The following PCNX2 variants were observed in gnomAD, a reference collection of about 807,000 sequenced individuals.
PCNX2 encodes pecanex-like protein 2.
PCNX2 carries 168 observed loss-of-function variants against 223.8 expected under a neutral mutation model. That is an observed-to-expected ratio of 0.75 (90% CI 0.66 to 0.85). The LOEUF (loss-of-function observed/expected upper bound fraction) is 0.85, where lower values mean the gene tolerates loss of function less well. Among genes scored for constraint, PCNX2 ranks in the 40% least tolerant of loss-of-function variants. PCNX2 has a pLI of 0.00. For missense variants in PCNX2, 2,507 were observed against 2,675.5 expected (o/e 0.94, Z 1.39); for synonymous variants, 1,006 against 1,052.6 (o/e 0.96, Z 0.86).
At chr1:233,071,242 G>T (rs144474478) in intron 23 of PCNX2, among the ~76,000 whole-genome samples, 1 of 152,050 alleles carries the variant, frequency 6.6e-6, no homozygotes, top group East Asian at 1.9e-4. Context: ...AGGGCTTGTT[G>T]TATAGATTAT....
rs570840283 is a variant in PCNX2, at chr1:233,236,846, C to A, written c.2357G>T (p.Arg786Leu). The A allele has an allele frequency of 6.2e-6, 10 of 1,613,580 alleles. No individual in the cohort carries two copies. The East Asian group carries it at 6.7e-5, about 11-fold the overall frequency. ...VARRTQSETP[R>L]HVSQDLEASS... ...ACAGCAATTCTGGAATGTACGTACCCGTGGGGTTTCCGACTGGGTCCTGCG... is the reference window on the plus strand; with the variant it reads ...ACAGCAATTCTGGAATGTACGTACCAGTGGGGTTTCCGACTGGGTCCTGCG... Residue 786 changes from arginine to leucine, a missense_variant and splice_region_variant, in exon 9 of 34, where the codon CGG (arginine) becomes CTG (leucine). Coordinates refer to ENST00000258229, the MANE Select transcript of PCNX2 (RefSeq NM_014801.4).
At chr1:233,122,655 C>T (rs558010149) in intron 21 of PCNX2, among the ~76,000 whole-genome samples, 1 of 152,102 alleles carries the variant, frequency 6.6e-6, no homozygotes, top group African/African-American at 2.4e-5. Context: ...TCCCAAGTAG[C>T]TGGGATTACA....
intron 21 of PCNX2, among the ~76,000 whole-genome samples, chr1:233,102,163 T>A (rs1674522022): frequency 6.6e-6 from 1 of 151,914 alleles, no homozygotes; most frequent in African/African-American, 2.4e-5. Flanking sequence ...TTATCTCACT[T>A]AACATAATGT....
At chr1:232,995,748 A>G (rs1211225981) in intron 32 of PCNX2, among the ~76,000 whole-genome samples, 1 of 152,208 alleles carries the variant, frequency 6.6e-6, no homozygotes. Context: ...TTGCTCCTGT[A>G]AATGCAAGGA....
intron 19 of PCNX2, among the ~76,000 whole-genome samples, chr1:233,159,507 CA>C (rs1678337217): frequency 6.6e-6 from 1 of 152,130 alleles, no homozygotes; most frequent in Non-Finnish European, 1.5e-5. Context: ...ATAGGCTAAA[CA>C]GCTCTGTGCA....
intron 8 of PCNX2, among the ~76,000 whole-genome samples, chr1:233,248,074 G>A (rs966762585): frequency 5.3e-5 from 8 of 152,082 alleles, no homozygotes; most frequent in African/African-American, 1.9e-4. Flanking sequence ...AAAAGCTAGG[G>A]GTGACTAGGG....
the PCNX2 span, among the ~76,000 whole-genome samples, chr1:233,320,715 T>C: frequency 6.6e-6 from 1 of 152,222 alleles, no homozygotes; most frequent in South Asian, 2.1e-4. Context: ...ACTTTGGAGA[T>C]ACCAAAATGA....
At chr1:233,062,420 T>C (rs995933027) in intron 23 of PCNX2, among the ~76,000 whole-genome samples, 2 of 152,192 alleles carry the variant, frequency 1.3e-5, no homozygotes, top group Admixed American at 1.3e-4. Flanking sequence ...CTACTGTGTT[T>C]CTATTTTTTA....
At chr1:233,255,638 G>A (rs919216008) in intron 5 of PCNX2, among the ~76,000 whole-genome samples, 4 of 152,188 alleles carry the variant, frequency 2.6e-5, no homozygotes, top group African/African-American at 9.7e-5. Flanking sequence ...TGAGACCTGA[G>A]AATAATCCTA....
At chr1:233,023,572 C>T (rs951072168) in intron 26 of PCNX2, among the ~76,000 whole-genome samples, 1 of 152,190 alleles carries the variant, frequency 6.6e-6, no homozygotes, top group African/African-American at 2.4e-5. Flanking sequence ...ATGCATGCCA[C>T]TCTTATTTCA....
rs373209360 is a variant in PCNX2, at chr1:232,984,108, ATTTTTTTTTTTTTTT to A, written c.*181_*195del. ...GAGGTTTTTTTGTTGTTGTTGTTTG[ATTTTTTTTTTTTTTT>A]TTTTTTTTTTTTCAAAAACCTGAGA... On this transcript the variant is annotated 3_prime_UTR_variant, in exon 34 of 34. Transcript: ENST00000258229. The A allele has an allele frequency of 4.4e-5, 6 of 135,152 alleles. 1 individual carries two copies. The highest frequency in any genetic ancestry group is 2.6e-4 in the African/African-American group (4 of 15,438). The allele number at this position is 135,152 out of a possible 1,614,324, so 8.4% of individuals were successfully genotyped here.
At chr1:233,168,530 C>T (rs1324822916) in intron 17 of PCNX2, among the ~76,000 whole-genome samples, 1 of 151,978 alleles carries the variant, frequency 6.6e-6, no homozygotes, top group East Asian at 1.9e-4. Context: ...TGATATCATA[C>T]ACATACAATG....
chr1:233,019,298 G>T, intron 26 of PCNX2: 1 of 738,432 alleles, frequency 1.4e-6, no homozygotes, highest in Non-Finnish European at 1.7e-6. Context: ...ATGAGGAAGT[G>T]GAAAAATGAA....
chr1:233,273,890 T>A (rs558341339), intron 1 of PCNX2, among the ~76,000 whole-genome samples: 3 of 152,192 alleles, frequency 2.0e-5, no homozygotes, highest in Non-Finnish European at 4.4e-5. Context: ...CCCAAAGTGC[T>A]GGGATTACAG....
intron 32 of PCNX2, among the ~76,000 whole-genome samples, chr1:232,988,390 G>A (rs911207268): frequency 4.0e-5 from 6 of 151,720 alleles, no homozygotes; most frequent in East Asian, 1.9e-4. Flanking sequence ...CCCGCCACCC[G>A]ATTTCATTGC....
chr1:233,045,669 A>G (rs979840238), intron 25 of PCNX2, among the ~76,000 whole-genome samples: 1 of 152,174 alleles, frequency 6.6e-6, no homozygotes, highest in Non-Finnish European at 1.5e-5. Flanking sequence ...TGGCTTTGTT[A>G]ATCTGTTAAA....
chr1:233,300,060 TA>T (rs1382889697), upstream of PCNX2, among the ~76,000 whole-genome samples: 1 of 152,252 alleles, frequency 6.6e-6, no homozygotes, highest in Non-Finnish European at 1.5e-5. Flanking sequence ...TTCATGAGTC[TA>T]CACCTTGGCT....
chr1:233,206,368 G>C (rs1681460316), intron 13 of PCNX2, among the ~76,000 whole-genome samples: 1 of 151,870 alleles, frequency 6.6e-6, no homozygotes, highest in Non-Finnish European at 1.5e-5. Context: ...GCAAAAAGAA[G>C]ATGGCAGGAA....
chr1:233,095,562 G>T (rs1047321053), intron 22 of PCNX2, 193 bp downstream of exon 22: 1 of 599,660 alleles, frequency 1.7e-6, no homozygotes, highest in Non-Finnish European at 3.0e-6. Context: ...TTAAGAAGCA[G>T]GAAGAGTTCA....
Sources: gnomAD v4.1 joint callset for allele counts (sites outside exome capture counted in the v4.1 genomes callset) on GRCh38, gnomAD v4.1.1 for gene constraint, MANE v1.5 for transcripts, NCBI Gene and HGNC (gene_info 2026-07-23, HGNC 2026-07-21) for gene names.